Variants in SLC4A5 observed in about 807,000 individuals in gnomAD.
SLC4A5 encodes the protein solute carrier family 4 member 5.
Under a neutral mutation model 120.4 loss-of-function variants are expected in SLC4A5, and 96 were observed. That is an observed-to-expected ratio of 0.80 (90% CI 0.68 to 0.94). The LOEUF (loss-of-function observed/expected upper bound fraction) is 0.94, where lower values mean the gene tolerates loss of function less well. Ranked by LOEUF, SLC4A5 falls within the 40% of genes least tolerant of loss-of-function variation. SLC4A5 has a pLI of 0.00. For missense variants in SLC4A5, 1,259 were observed against 1,459.5 expected, an observed-to-expected ratio of 0.86 and a Z score of 2.24; for synonymous variants, 550 against 571.1, an observed-to-expected ratio of 0.96 and a Z score of 0.53.
chr2:74,326,854 C>T (rs1320782637), intron 5 of SLC4A5, among the ~76,000 whole-genome samples: 2 of 152,036 alleles, frequency 1.3e-5, no homozygotes, highest in African/African-American at 4.8e-5. Flanking sequence ...GAGTGCTATC[C>T]TAGCAAACAG....
intron 9 of SLC4A5, among the ~76,000 whole-genome samples, chr2:74,264,572 G>C (rs1159113321): frequency 6.6e-6 from 1 of 151,652 alleles, no homozygotes; most frequent in African/African-American, 2.4e-5. Context: ...CAGTACATAT[G>C]AAACTGCCCC....
At chr2:74,281,842 A>G (rs1325526724) in intron 8 of SLC4A5, among the ~76,000 whole-genome samples, 1 of 152,226 alleles carries the variant, frequency 6.6e-6, no homozygotes, top group Admixed American at 6.5e-5. Context: ...TACTTTTATT[A>G]AAGCGTCCCC....
exon 11 of SLC4A5, chr2:74,262,183 G>A: frequency 6.2e-7 from 1 of 1,613,916 alleles, no homozygotes; most frequent in East Asian, 2.2e-5. Context: ...GGTCTTCCGT[G>A]GAGTGGTGTA....
At chr2:74,333,502 A>G (rs1411808517) in intron 4 of SLC4A5, among the ~76,000 whole-genome samples, 3 of 152,224 alleles carry the variant, frequency 2.0e-5, no homozygotes, top group Non-Finnish European at 4.4e-5. Flanking sequence ...CAACAATAAA[A>G]AATAATACTC....
exon 20 of SLC4A5, chr2:74,242,025 G>T: frequency 1.2e-6 from 2 of 1,607,124 alleles, no homozygotes; most frequent in Non-Finnish European, 1.7e-6. Flanking sequence ...TGCCAATGGG[G>T]CTGAAGCATT....
At position 74,255,218 on chromosome 2, in the gene SLC4A5, C is replaced by T. The variant is rs1670923876; in HGVS notation, c.1026-512G>A. 1.3e-5 allele frequency among the ~76,000 whole-genome samples: 2 copies of T among 152,236 alleles called. No individual in the cohort carries two copies. The highest frequency in any genetic ancestry group is 4.8e-5 in the African/African-American group (2 of 41,472). ...CATGAGGCTCCCCCTTGAGCATCCT[C>T]ACCTTTGTCTTGCTGCCCAAGCTTA... On this transcript the variant is annotated intron_variant, in intron 13 of 30. Transcript: ENST00000394019. The surrounding 1 kb of genome is among the most constrained non-coding windows in gnomAD (Gnocchi z 4.0).
At chr2:74,221,315 G>A in intron 30 of SLC4A5, 119 bp downstream of exon 30, 1 of 671,802 alleles carries the variant, frequency 1.5e-6, no homozygotes, top group Non-Finnish European at 2.5e-6. Context: ...CCAGTTGGGG[G>A]CCAGCAAGGG....
At chr2:74,300,267 C>T (rs1468032127) in intron 7 of SLC4A5, among the ~76,000 whole-genome samples, 1 of 152,138 alleles carries the variant, frequency 6.6e-6, no homozygotes, top group Non-Finnish European at 1.5e-5. Flanking sequence ...TAATGTACTG[C>T]ATGGTGACTA....
chr2:74,220,842 T>C (rs1411710955), intron 30 of SLC4A5, among the ~76,000 whole-genome samples: 1 of 73,844 alleles, frequency 1.4e-5, no homozygotes, highest in Non-Finnish European at 2.2e-5. Flanking sequence ...ATTTCCTTTC[T>C]TTTTTTTTTT....
At chr2:74,288,796 C>G (rs1672067168) in intron 7 of SLC4A5, among the ~76,000 whole-genome samples, 1 of 152,202 alleles carries the variant, frequency 6.6e-6, no homozygotes, top group African/African-American at 2.4e-5. Context: ...CTTCTCAAGT[C>G]AACCTCAACA....
intron 8 of SLC4A5, among the ~76,000 whole-genome samples, chr2:74,276,159 AAAGAG>A (rs1401269147): frequency 2.6e-4 from 39 of 152,172 alleles, no homozygotes; most frequent in Non-Finnish European, 4.9e-4. Flanking sequence ...AAGGAGAGAA[AAAGAG>A]AAGAGGAGCG....
intron 5 of SLC4A5, among the ~76,000 whole-genome samples, chr2:74,319,943 G>A (rs1356542776): frequency 1.3e-5 from 2 of 152,088 alleles, no homozygotes. Flanking sequence ...AAAAGACATT[G>A]TATTCATGAC....
At chr2:74,312,081 G>A (rs992131524) in intron 6 of SLC4A5, among the ~76,000 whole-genome samples, 2 of 152,124 alleles carry the variant, frequency 1.3e-5, no homozygotes, top group Non-Finnish European at 1.5e-5. Context: ...TTAAAGAGAT[G>A]TTCTTTGCTC....
chr2:74,332,296 G>A (rs1185173916), intron 4 of SLC4A5, among the ~76,000 whole-genome samples: 2 of 151,930 alleles, frequency 1.3e-5, no homozygotes, highest in Non-Finnish European at 2.9e-5. Flanking sequence ...ACGATTCTAT[G>A]TGTCTAAGTG....
exon 10 of SLC4A5, chr2:74,264,217 C>T (rs866177462): frequency 1.9e-6 from 3 of 1,614,210 alleles, no homozygotes; most frequent in Non-Finnish European, 2.5e-6. Flanking sequence ...GGTGGCGGTG[C>T]CTCCTCAGGA....
chr2:74,290,783 G>T, intron 7 of SLC4A5: 1 of 987,186 alleles, frequency 1.0e-6, no homozygotes, highest in Non-Finnish European at 1.2e-6. Context: ...GGTGGTGGCA[G>T]CTGAGGACCT....
At chr2:74,256,267 C>A (rs1670962092) in intron 12 of SLC4A5, among the ~76,000 whole-genome samples, 1 of 152,214 alleles carries the variant, frequency 6.6e-6, no homozygotes, top group Non-Finnish European at 1.5e-5. Context: ...CCTGGATGGC[C>A]TCCTTCAGGC....
At chr2:74,316,948 T>C (rs901398877) in intron 5 of SLC4A5, among the ~76,000 whole-genome samples, 2 of 152,248 alleles carry the variant, frequency 1.3e-5, no homozygotes, top group Non-Finnish European at 2.9e-5. Context: ...TAATGCCTAA[T>C]GTAATACATT....
At chr2:74,229,695 T>G (rs1206799165) in intron 25 of SLC4A5, among the ~76,000 whole-genome samples, 2 of 152,166 alleles carry the variant, frequency 1.3e-5, no homozygotes, top group African/African-American at 4.8e-5. Context: ...ACAAAATGCT[T>G]GCCCTCCTGT....
Sources: allele counts gnomAD v4.1 joint callset (sites outside exome capture counted in the v4.1 genomes callset), GRCh38; gene constraint gnomAD v4.1.1; non-coding constraint Gnocchi (gnomAD v3.1); transcripts MANE v1.5; gene names NCBI Gene and HGNC (gene_info 2026-07-23, HGNC 2026-07-21).